CHCHD6: variants seen among roughly 807,000 people sequenced by gnomAD.
CHCHD6 encodes the protein coiled-coil-helix-coiled-coil-helix domain containing 6.
CHCHD6 carries 28 observed loss-of-function variants against 32.3 expected under a neutral mutation model. The observed-to-expected ratio is 0.87, with a 90% CI of 0.64 to 1.19. CHCHD6 has a LOEUF of 1.19. CHCHD6 is among the 50% of genes most tolerant of loss of function. The pLI, the probability that CHCHD6 is intolerant of heterozygous loss-of-function variation, is 0.00. For missense variants in CHCHD6, 333 were observed against 307.0 expected, an observed-to-expected ratio of 1.08 and a Z score of -0.63; for synonymous variants, 122 against 117.5, an observed-to-expected ratio of 1.04 and a Z score of -0.25.
intron 4 of CHCHD6, among the ~76,000 whole-genome samples, chr3:126,741,429 T>A (rs192860945): frequency 3.1e-3 from 471 of 151,798 alleles, no homozygotes; most frequent in Non-Finnish European, 5.2e-3. Context: ...GAAGCTGAAG[T>A]CATGTGGGGG....
At chr3:126,952,352 G>T (rs1252467859) in intron 6 of CHCHD6, among the ~76,000 whole-genome samples, 3 of 152,190 alleles carry the variant, frequency 2.0e-5, no homozygotes, top group Non-Finnish European at 4.4e-5. Flanking sequence ...TGGGATGAGG[G>T]CTAGCCACAT....
intron 4 of CHCHD6, among the ~76,000 whole-genome samples, chr3:126,792,406 G>A (rs1050967259): frequency 6.6e-6 from 1 of 151,964 alleles, no homozygotes; most frequent in Non-Finnish European, 1.5e-5. Context: ...ATGCACAGGG[G>A]TGCCAGTTTC....
intron 5 of CHCHD6, among the ~76,000 whole-genome samples, chr3:126,899,746 T>C (rs997544979): frequency 6.6e-6 from 1 of 152,228 alleles, no homozygotes; most frequent in African/African-American, 2.4e-5. Flanking sequence ...AAGGGACATT[T>C]TGTGCTCTTG....
chr3:126,920,137 GTGTGCCTTAAATCTA>G (rs2078225660), intron 6 of CHCHD6, among the ~76,000 whole-genome samples: 1 of 150,034 alleles, frequency 6.7e-6, no homozygotes, highest in Admixed American at 6.6e-5. Context: ...ATTGTGTCAA[GTGTGCCTTAAATCTA>G]TTGCATTCAG....
intron 4 of CHCHD6, among the ~76,000 whole-genome samples, chr3:126,788,150 C>G (rs991310866): frequency 4.6e-5 from 7 of 152,286 alleles, no homozygotes; most frequent in Non-Finnish European, 8.8e-5. Flanking sequence ...TATGTTGAAC[C>G]AGCCTTGCAT....
chr3:126,930,254 T>TTC (rs1209394215), intron 6 of CHCHD6, among the ~76,000 whole-genome samples: 1 of 152,258 alleles, frequency 6.6e-6, no homozygotes, highest in East Asian at 1.9e-4. Flanking sequence ...TATGAAACCA[T>TTC]TCAAGACTCC....
At chr3:126,923,763 G>A (rs1216878757) in intron 6 of CHCHD6, among the ~76,000 whole-genome samples, 1 of 152,228 alleles carries the variant, frequency 6.6e-6, no homozygotes, top group Non-Finnish European at 1.5e-5. Flanking sequence ...AATTTGTTAA[G>A]CCTCTAGGAA....
chr3:126,791,199 G>T (rs376426766), intron 4 of CHCHD6, among the ~76,000 whole-genome samples: 1 of 152,228 alleles, frequency 6.6e-6, no homozygotes, highest in Non-Finnish European at 1.5e-5. Flanking sequence ...ATCTCAGAGG[G>T]GTACCCGGCC....
intron 4 of CHCHD6, among the ~76,000 whole-genome samples, chr3:126,761,609 T>C (rs2107672596): frequency 6.6e-6 from 1 of 152,280 alleles, no homozygotes; most frequent in Admixed American, 6.5e-5. Flanking sequence ...TATTTTTTAA[T>C]AGGGACAGGG....
At chr3:126,802,576 A>G (rs1939136330) in intron 4 of CHCHD6, among the ~76,000 whole-genome samples, 1 of 152,366 alleles carries the variant, frequency 6.6e-6, no homozygotes, top group East Asian at 1.9e-4. Context: ...AAAAGACCAA[A>G]TCTACGTCTG....
intron 5 of CHCHD6, among the ~76,000 whole-genome samples, chr3:126,885,811 ACT>A (rs775864583): frequency 1.2e-4 from 19 of 152,108 alleles, no homozygotes; most frequent in Admixed American, 2.6e-4. Context: ...TGTCACTTTT[ACT>A]CTCTTTGGCT....
intron 4 of CHCHD6, among the ~76,000 whole-genome samples, chr3:126,810,613 C>G (rs926904639): frequency 6.6e-6 from 1 of 152,116 alleles, no homozygotes; most frequent in African/African-American, 2.4e-5. Context: ...CAAATTGTTT[C>G]AAGTTTAATA....
chr3:126,743,755 G>A (rs9839689), intron 4 of CHCHD6, among the ~76,000 whole-genome samples: 11,177 of 152,214 alleles, frequency 0.073, 1,395 homozygotes, highest in African/African-American at 0.26. Context: ...TCTGAGAGTG[G>A]CATTGGAGCA....
At chr3:126,719,399 C>T (rs927961755) in intron 1 of CHCHD6, among the ~76,000 whole-genome samples, 1 of 152,244 alleles carries the variant, frequency 6.6e-6, no homozygotes, top group Non-Finnish European at 1.5e-5. Flanking sequence ...CCCTGCCCTG[C>T]ATGCTGCCAT....
intron 4 of CHCHD6, among the ~76,000 whole-genome samples, chr3:126,737,232 A>G (rs1041002557): frequency 6.6e-6 from 1 of 152,058 alleles, no homozygotes; most frequent in Non-Finnish European, 1.5e-5. Context: ...AGGCAGGAGA[A>G]TCACTTGAAC....
chr3:126,906,061 A>G (rs752205867), intron 5 of CHCHD6, among the ~76,000 whole-genome samples: 2 of 152,144 alleles, frequency 1.3e-5, no homozygotes, highest in Non-Finnish European at 1.5e-5. Flanking sequence ...CTGCACAGAC[A>G]CCATCAGATC....
chr3:126,708,187 A>G (rs538469871), intron 1 of CHCHD6, among the ~76,000 whole-genome samples: 2 of 152,330 alleles, frequency 1.3e-5, no homozygotes, highest in East Asian at 1.9e-4. Context: ...GCACTCTGCC[A>G]AGTGTATTCA....
intron 4 of CHCHD6, among the ~76,000 whole-genome samples, chr3:126,777,588 C>T (rs933447969): frequency 1.3e-5 from 2 of 152,190 alleles, no homozygotes; most frequent in African/African-American, 4.8e-5. Context: ...TAGATAAGCA[C>T]TGCCACACTG....
intron 4 of CHCHD6, among the ~76,000 whole-genome samples, chr3:126,815,881 G>C (rs912217122): frequency 2.0e-5 from 3 of 152,162 alleles, no homozygotes; most frequent in African/African-American, 7.2e-5. Context: ...GCTCACCTCT[G>C]CTGGAGGCAC....
Sources: allele counts gnomAD v4.1 joint callset (sites outside exome capture counted in the v4.1 genomes callset), GRCh38; gene constraint gnomAD v4.1.1; transcripts MANE v1.5; gene names NCBI Gene and HGNC (gene_info 2026-07-23, HGNC 2026-07-21).